AKR1C4: variants seen among roughly 807,000 people sequenced by gnomAD.
AKR1C4 encodes the protein aldo-keto reductase family 1 member C4.
In AKR1C4, 44 loss-of-function variants were observed where a neutral mutation model predicts 41.0. The ratio of observed to expected loss-of-function variants is 1.07; its 90% confidence interval spans 0.84 to 1.38. The LOEUF (loss-of-function observed/expected upper bound fraction) is 1.38, where lower values mean the gene tolerates loss of function less well. AKR1C4 is among the 40% of genes most tolerant of loss of function. The pLI, the probability that AKR1C4 is intolerant of heterozygous loss-of-function variation, is 0.00. For missense variants in AKR1C4, 438 were observed against 387.9 expected (o/e 1.13, Z -1.09); for synonymous variants, 165 against 137.7 (o/e 1.20, Z -1.39).
In AKR1C4 at chr10:5,204,388, T is replaced by C; in HGVS notation, c.264T>C (p.Thr88=). Residue 88 remains threonine, a synonymous_variant, in exon 3 of 9, where the codon ACT becomes ACC. Transcript: ENST00000263126. ...ATTTTACCATGCAGCTTTGGTGCAC[T>C]TTCTTTCAACCACAGATGGTCCAAC... The part of the protein sequence containing the change: ...DIFYTSKLWC[T]FFQPQMVQPA... 1 of 1,613,564 alleles carries C rather than the reference T, an allele frequency of 6.2e-7. No homozygotes were observed. Among genetic ancestry groups the C allele is most frequent in the Admixed American group, 1.7e-5 (1 of 59,986 alleles).
chr10:5,209,422 AAAGTC>A (rs1316522551), intron 5 of AKR1C4, among the ~76,000 whole-genome samples: 2 of 152,166 alleles, frequency 1.3e-5, no homozygotes, highest in Non-Finnish European at 2.9e-5. Context: ...TTTTTTTCAC[AAAGTC>A]AAGAAAAGAA....
rs1554796797 is a variant in AKR1C4 at position 5,200,331 on chromosome 10, A to C, written c.235A>C (p.Ile79Leu). The C allele has an allele frequency of 6.2e-7, 1 of 1,613,720 alleles. No individual in the cohort carries two copies. Among genetic ancestry groups the C allele is most frequent in the Non-Finnish European group, 8.5e-7 (1 of 1,179,812 alleles). The part of the protein sequence containing the change: ...IADGSVKRED[I>L]FYTSKLWCTF... Reference sequence around the variant, plus strand: ...AGATGGCAGTGTGAAGAGAGAAGACATATTCTACACTTCAAAGGTACTGTG... The same window carrying C: ...AGATGGCAGTGTGAAGAGAGAAGACCTATTCTACACTTCAAAGGTACTGTG... The change falls in exon 2 of 9, where the codon ATA becomes CTA. Residue 79 changes from isoleucine to leucine, a missense_variant. By Grantham distance (5) the Ile-to-Leu change is conservative. Coordinates refer to ENST00000263126, the MANE Select transcript of AKR1C4 (RefSeq NM_001818.5).
At chr10:5,204,531 A>T (rs1832454525) in intron 3 of AKR1C4, 38 bp downstream of exon 3, 1 of 1,424,584 alleles carries the variant, frequency 7.0e-7, no homozygotes, top group Non-Finnish European at 9.9e-7. Flanking sequence ...TTCTGTTCTC[A>T]GCATGACCAT....
intron 3 of AKR1C4, among the ~76,000 whole-genome samples, chr10:5,205,390 T>C (rs1157585452): frequency 1.3e-5 from 2 of 152,234 alleles, no homozygotes; most frequent in Non-Finnish European, 2.9e-5. Flanking sequence ...AAGGAACTCT[T>C]ATTGTATCAC....
intron 2 of AKR1C4, among the ~76,000 whole-genome samples, chr10:5,202,049 TTTC>T (rs1381183171): frequency 1.4e-4 from 22 of 152,154 alleles, no homozygotes; most frequent in South Asian, 2.1e-4. Flanking sequence ...TACCTCCAGA[TTTC>T]TTCTTTTTGC....
intron 1 of AKR1C4, among the ~76,000 whole-genome samples, chr10:5,199,720 A>G (rs1020732908): frequency 3.3e-5 from 5 of 151,078 alleles, no homozygotes; most frequent in Non-Finnish European, 7.4e-5. Context: ...AAACGTTCCT[A>G]CTCCATCCCC....
intron 1 of AKR1C4, among the ~76,000 whole-genome samples, chr10:5,198,759 A>C (rs1413623): frequency 0.98 from 149,439 of 152,306 alleles, 73,374 homozygotes; most frequent in Middle Eastern, 1. Context: ...GTAATCCCAG[A>C]ACTTTGGTAG....
intron 5 of AKR1C4, among the ~76,000 whole-genome samples, chr10:5,210,097 T>G (rs1554797786): frequency 6.6e-6 from 1 of 152,152 alleles, no homozygotes; most frequent in African/African-American, 2.4e-5. Flanking sequence ...TACAGCTGTT[T>G]CATGTGGGAG....
At chr10:5,206,432 C>T (rs200431502) in intron 5 of AKR1C4, 35 bp downstream of exon 5, 2 of 1,613,482 alleles carry the variant, frequency 1.2e-6, no homozygotes, top group Non-Finnish European at 1.7e-6. Context: ...TTTCTCTTCT[C>T]AATGTCCATC....
rs144183289 is a variant in AKR1C4, at chr10:5,206,275, G to A, written c.448G>A (p.Val150Ile). 2.5e-6 allele frequency: 4 copies of A among 1,613,914 alleles called. No homozygotes were observed. The African/African-American group carries it at 5.3e-5, about 22-fold the overall frequency. ...TTCCTCACAACCCCTTTCTCCCCAG[G>A]TCATGGAGAAGTGTAAGGATGCAGG... Reference protein sequence around the residue: ...DTVDLSATWEVMEKCKDAGLA... With the variant: ...DTVDLSATWEIMEKCKDAGLA... The change falls in exon 5 of 9, where the codon GTC becomes ATC. Residue 150 changes from valine (V) to isoleucine (I), a missense_variant and splice_region_variant. Transcript: ENST00000263126.
intron 8 of AKR1C4, 44 bp from the exon 9 acceptor site, chr10:5,218,672 TAG>T (rs1554798829): frequency 2.0e-6 from 3 of 1,484,928 alleles, no homozygotes; most frequent in Admixed American, 1.7e-5. Context: ...AGCTTTTTAA[TAG>T]AGTCATTTCA....
At chr10:5,199,872 G>A (rs1042507465) in intron 1 of AKR1C4, among the ~76,000 whole-genome samples, 9 of 152,200 alleles carry the variant, frequency 5.9e-5, no homozygotes, top group African/African-American at 1.9e-4. Context: ...AAGGTAGAGG[G>A]TCTAATTGAG....
intron 5 of AKR1C4, among the ~76,000 whole-genome samples, chr10:5,211,467 G>A (rs1418444286): frequency 6.7e-6 from 1 of 149,310 alleles, no homozygotes; most frequent in African/African-American, 2.4e-5. Flanking sequence ...TCTAGGGCAG[G>A]GACAAAATGT....
intron 5 of AKR1C4, among the ~76,000 whole-genome samples, chr10:5,209,478 CCCTTT>C (rs1159850932): frequency 6.6e-6 from 1 of 152,090 alleles, no homozygotes; most frequent in Non-Finnish European, 1.5e-5. Context: ...TTAACTCCTT[CCCTTT>C]AATTATTCAT....
chr10:5,206,520 A>G lies in AKR1C4; in HGVS notation c.570+123A>G, dbSNP rs1349674098. 8 of 1,530,976 alleles carry G rather than the reference A, an allele frequency of 5.2e-6. No homozygotes were observed. The African/African-American group carries it at 5.5e-5, about 11-fold the overall frequency. The allele number at this position is 1,530,976 out of a possible 1,614,324, so 94.8% of individuals were successfully genotyped here. ...AACAGAAGATTCTAGAAAGCAAAAC[A>G]TCTGTCTAGAAGAAAACGGAAGACC... On this transcript the variant is annotated intron_variant, in intron 5 of 8. Transcript: ENST00000263126.
rs946616359 is a variant in AKR1C4 at position 5,218,573 on chromosome 10, G to T, written c.930-145G>T. On this transcript the variant is annotated intron_variant, in intron 8 of 8. Transcript: ENST00000263126. ...AAAAAAAAACACATTATAAACTCAT[G>T]TTCATGAAAGACATTCTACAAATAG... 6.6e-4 allele frequency: 346 copies of T among 525,920 alleles called. 2 individuals are homozygous for T. Among genetic ancestry groups the T allele is most frequent in the Non-Finnish European group, 1.0e-3 (302 of 303,148 alleles). 32.6% of individuals were successfully genotyped at this position (525,920 alleles called of 1,614,324 possible). A position where few individuals can be genotyped will look rare whatever the true frequency, so the allele number is the denominator to read the frequency against.
chr10:5,203,113 G>A (rs1458257829), intron 2 of AKR1C4, among the ~76,000 whole-genome samples: 1 of 152,034 alleles, frequency 6.6e-6, no homozygotes, highest in Non-Finnish European at 1.5e-5. Flanking sequence ...AACATCTCCT[G>A]TGGAGATAGC....
chr10:5,209,055 A>T (rs1832531229), intron 5 of AKR1C4, among the ~76,000 whole-genome samples: 1 of 152,206 alleles, frequency 6.6e-6, no homozygotes, highest in Non-Finnish European at 1.5e-5. Context: ...TTTTGGTGAG[A>T]AACTGCCTCT....
chr10:5,207,507 A>T (rs1371272157), intron 5 of AKR1C4: 7 of 443,770 alleles, frequency 1.6e-5, no homozygotes, highest in Middle Eastern at 1.6e-3. Context: ...ACTGAACTTT[A>T]TAAAATAGGG....
Sources: allele counts gnomAD v4.1 joint callset (sites outside exome capture counted in the v4.1 genomes callset), GRCh38; gene constraint gnomAD v4.1.1; transcripts MANE v1.5; gene names NCBI Gene and HGNC (gene_info 2026-07-23, HGNC 2026-07-21).